Variants in PRR16 observed in about 807,000 individuals in gnomAD.
PRR16 encodes the protein protein Largen.
Under a neutral mutation model 18.2 loss-of-function variants are expected in PRR16, and 6 were observed. The ratio of observed to expected loss-of-function variants is 0.33; its 90% CI spans 0.18 to 0.65. The LOEUF (loss-of-function observed/expected upper bound fraction) is 0.65. Ranked by LOEUF, PRR16 falls within the 30% of genes least tolerant of loss-of-function variation. The probability of loss-of-function intolerance (pLI) is 0.74; values close to 1 mark genes in which losing one functional copy is unlikely to be tolerated. For missense variants in PRR16, 412 were observed against 376.6 expected (o/e 1.09, Z -0.78); for synonymous variants, 151 against 147.8 (o/e 1.02, Z -0.16).
chr5:120,539,118 G>T (rs1352960103), intron 1 of PRR16, among the ~76,000 whole-genome samples: 1 of 151,912 alleles, frequency 6.6e-6, no homozygotes, highest in Admixed American at 6.6e-5. Context: ...CAACTTTGAC[G>T]CCATTTCTAC....
chr5:120,593,507 A>G (rs1462490979), intron 1 of PRR16, among the ~76,000 whole-genome samples: 2 of 134,856 alleles, frequency 1.5e-5, no homozygotes, highest in Admixed American at 1.7e-4. Context: ...AATCAGTAAT[A>G]AATACCCTAC....
the PRR16 span, among the ~76,000 whole-genome samples, chr5:120,705,133 T>G: frequency 1.3e-5 from 2 of 152,124 alleles, no homozygotes; most frequent in East Asian, 3.9e-4. Flanking sequence ...AGCAAAGTTT[T>G]AATTGTTTGC....
chr5:120,755,801 G>T, the PRR16 span, among the ~76,000 whole-genome samples: 1 of 152,006 alleles, frequency 6.6e-6, no homozygotes, highest in Non-Finnish European at 1.5e-5. Context: ...GGTTCTTGTT[G>T]TTTTAAACAA....
chr5:120,715,774 G>C, the PRR16 span, among the ~76,000 whole-genome samples: 2 of 152,152 alleles, frequency 1.3e-5, no homozygotes, highest in African/African-American at 4.8e-5. Context: ...TTTGGAATTT[G>C]TTGCTGTTCT....
Position 120,666,219 on chromosome 5 carries a change from A to G in PRR16, c.160-19735A>G, listed in dbSNP as rs918295967. ...CTAGGTATTTTATTCTCTTTGAAGC[A>G]ATTGTGAATGGGAATTCACTCATGA... On this transcript the variant is annotated intron_variant, in intron 1 of 1. Coordinates refer to ENST00000407149, the MANE Select transcript of PRR16 (RefSeq NM_001300783.2). 1.4e-3 allele frequency among the ~76,000 whole-genome samples: 213 copies of G among 152,304 alleles called. 1 individual carries two copies. The highest frequency in any genetic ancestry group is 5.0e-3 in the African/African-American group (206 of 41,564).
At chr5:120,581,799 G>C (rs973812845) in intron 1 of PRR16, among the ~76,000 whole-genome samples, 31 of 152,058 alleles carry the variant, frequency 2.0e-4, no homozygotes, top group African/African-American at 7.2e-4. Flanking sequence ...AGAGCATGTT[G>C]TTCAATTTCC....
intron 1 of PRR16, among the ~76,000 whole-genome samples, chr5:120,621,575 C>T (rs368300301): frequency 6.6e-6 from 1 of 152,062 alleles, no homozygotes; most frequent in Non-Finnish European, 1.5e-5. Context: ...CCATAATCCC[C>T]GTAATCCACA....
At chr5:120,485,697 G>A (rs1313221602) in intron 1 of PRR16, among the ~76,000 whole-genome samples, 2 of 151,764 alleles carry the variant, frequency 1.3e-5, no homozygotes, top group African/African-American at 2.4e-5. Context: ...TGTGCACAAC[G>A]TGCAGGTTAG....
intron 1 of PRR16, among the ~76,000 whole-genome samples, chr5:120,497,767 A>G (rs1325814171): frequency 6.6e-6 from 1 of 151,842 alleles, no homozygotes; most frequent in South Asian, 2.1e-4. Flanking sequence ...ACAACATTGT[A>G]TAAAAATAAC....
chr5:120,599,117 T>C (rs1002112741), intron 1 of PRR16, among the ~76,000 whole-genome samples: 7 of 151,886 alleles, frequency 4.6e-5, no homozygotes, highest in African/African-American at 1.4e-4. Context: ...GCTTTGCTGC[T>C]TTTTTTCTGA....
chr5:120,610,937 C>T (rs1318355788), intron 1 of PRR16, among the ~76,000 whole-genome samples: 4 of 152,172 alleles, frequency 2.6e-5, no homozygotes, highest in African/African-American at 9.7e-5. Flanking sequence ...TTGGAACTTC[C>T]TAGAGACTTG....
the PRR16 span, among the ~76,000 whole-genome samples, chr5:120,715,999 G>A: frequency 1.3e-5 from 2 of 152,110 alleles, no homozygotes; most frequent in African/African-American, 4.8e-5. Flanking sequence ...GCGAGGATTA[G>A]TTCAGCCTCC....
chr5:120,635,570 C>G (rs1302697540), intron 1 of PRR16, among the ~76,000 whole-genome samples: 1 of 152,030 alleles, frequency 6.6e-6, no homozygotes, highest in Non-Finnish European at 1.5e-5. Context: ...ATCCAGCATC[C>G]CTTTATAATT....
Position 120,464,323 on chromosome 5 carries a change from G to A in PRR16, c.-164G>A, listed in dbSNP as rs1749004286. ...GGAGTTGATGGCAGCACCACTGTGCGGCCGCCCGGCCGAGCGCGGAGCGCA... is the reference window on the plus strand; with the variant it reads ...GGAGTTGATGGCAGCACCACTGTGCAGCCGCCCGGCCGAGCGCGGAGCGCA... On this transcript the variant is annotated 5_prime_UTR_variant, in exon 1 of 2. Coordinates refer to ENST00000407149, the MANE Select transcript of PRR16 (RefSeq NM_001300783.2). The A allele has an allele frequency of 3.0e-6, 2 of 667,278 alleles. No individual in the cohort carries two copies. Among genetic ancestry groups the A allele is most frequent in the Non-Finnish European group, 4.4e-6 (2 of 450,624 alleles). 41.3% of individuals were successfully genotyped at this position (667,278 alleles called of 1,614,324 possible).
At chr5:120,753,957 TATATA>T in the PRR16 span, among the ~76,000 whole-genome samples, 62 of 118,790 alleles carry the variant, frequency 5.2e-4, no homozygotes, top group South Asian at 9.2e-4. Flanking sequence ...TTATATATTA[TATATA>T]ATATATGTTA....
At chr5:120,711,225 T>C in the PRR16 span, among the ~76,000 whole-genome samples, 1 of 152,186 alleles carries the variant, frequency 6.6e-6, no homozygotes, top group Non-Finnish European at 1.5e-5. Context: ...AGCATATTCA[T>C]GGAGTATGGG....
At chr5:120,677,721 A>T (rs1220583808) in intron 1 of PRR16, among the ~76,000 whole-genome samples, 1 of 152,060 alleles carries the variant, frequency 6.6e-6, no homozygotes, top group East Asian at 1.9e-4. Flanking sequence ...GATTCACTCA[A>T]ATTGAAAGAG....
At chr5:120,653,707 A>G (rs533412145) in intron 1 of PRR16, among the ~76,000 whole-genome samples, 17 of 152,142 alleles carry the variant, frequency 1.1e-4, no homozygotes, top group African/African-American at 3.8e-4. Context: ...AAAATAGAAC[A>G]AAGTTAATGC....
chr5:120,789,275 C>T, the PRR16 span, among the ~76,000 whole-genome samples: 1 of 152,062 alleles, frequency 6.6e-6, no homozygotes, highest in Non-Finnish European at 1.5e-5. Context: ...ACCACAGACA[C>T]ACTCCACATT....
Sources: gnomAD v4.1 joint callset for allele counts (sites outside exome capture counted in the v4.1 genomes callset) on GRCh38, gnomAD v4.1.1 for gene constraint, MANE v1.5 for transcripts, NCBI Gene and HGNC (gene_info 2026-07-23, HGNC 2026-07-21) for gene names.